Variants in SYNE1 observed in about 807,000 individuals in gnomAD.
SYNE1 encodes the protein spectrin repeat containing nuclear envelope protein 1, also known as nesprin-1.
Under a neutral mutation model 1,111.0 loss-of-function variants are expected in SYNE1, and 616 were observed. The ratio of observed to expected loss-of-function variants is 0.55; its 90% CI spans 0.52 to 0.59. The LOEUF (loss-of-function observed/expected upper bound fraction) is 0.59. Among genes scored for constraint, SYNE1 ranks in the 20% least tolerant of loss-of-function variants. The pLI, the probability that SYNE1 is intolerant of heterozygous loss-of-function variation, is 0.00. For missense variants in SYNE1, 10,006 were observed against 10,417.0 expected, an observed-to-expected ratio of 0.96 and a Z score of 1.72; for synonymous variants, 3,855 against 3,825.8, an observed-to-expected ratio of 1.01 and a Z score of -0.28.
At chr6:152,218,023 C>T (rs1434647738) in intron 121 of SYNE1, among the ~76,000 whole-genome samples, 2 of 151,964 alleles carry the variant, frequency 1.3e-5, no homozygotes, top group African/African-American at 4.8e-5. Context: ...AGTGAAACCT[C>T]GTCTCTACTA....
chr6:152,281,198 C>T (rs537357368), intron 97 of SYNE1, among the ~76,000 whole-genome samples: 5 of 152,136 alleles, frequency 3.3e-5, no homozygotes, highest in Non-Finnish European at 7.4e-5. Context: ...ATTATCTATT[C>T]TTTATACTTA....
At chr6:152,546,783 C>A (rs1249052094) in intron 3 of SYNE1, 1 of 151,972 alleles carries the variant, frequency 6.6e-6, no homozygotes, top group Non-Finnish European at 1.5e-5. Flanking sequence ...TTACTATATC[C>A]CCTAATTTGT....
At position 152,450,697 on chromosome 6, in the gene SYNE1, A is replaced by T; in HGVS notation, c.3323T>A (p.Leu1108His). 3.1e-6 allele frequency: 5 copies of T among 1,614,074 alleles called. No homozygotes were observed. Among genetic ancestry groups the T allele is most frequent in the Non-Finnish European group, 3.4e-6 (4 of 1,180,018 alleles). Residue 1108 changes from leucine to histidine, a missense_variant, in exon 27 of 146, where the codon CTC (leucine) becomes CAC (histidine). Coordinates refer to ENST00000367255, the MANE Select transcript of SYNE1 (RefSeq NM_182961.4). ...GTAGGTGCTGTCAATGGCAGCTCTG[A>T]GCTCTTTGAGAGTCACGTGACAGGT... ...PGTCHVTLKE[L>H]RAAIDSTYRK...
At chr6:152,211,451 T>C (rs369744829) in intron 124 of SYNE1, 43 bp downstream of exon 124, 44 of 1,549,320 alleles carry the variant, frequency 2.8e-5, no homozygotes, top group Non-Finnish European at 3.7e-5. Context: ...AAATGACTAA[T>C]TTACTGGAAC....
intron 63 of SYNE1, among the ~76,000 whole-genome samples, 161 bp downstream of exon 63, chr6:152,364,686 G>GGAAGGA: frequency 9.3e-6 from 1 of 108,012 alleles, no homozygotes; most frequent in South Asian, 3.5e-4. Flanking sequence ...AAGGAGGAAG[G>GGAAGGA]AGGAAGGAAG....
chr6:152,153,611 G>A (rs553837309), intron 133 of SYNE1, among the ~76,000 whole-genome samples: 59 of 152,284 alleles, frequency 3.9e-4, no homozygotes, highest in Admixed American at 3.8e-3. Context: ...CCTTTATGAA[G>A]GGAGTGTGTA....
At chr6:152,143,588 G>C (rs377415663) in intron 138 of SYNE1, 35 bp downstream of exon 138, 2 of 1,613,752 alleles carry the variant, frequency 1.2e-6, no homozygotes, top group African/African-American at 2.7e-5. Context: ...CTGTGGTTTC[G>C]CACAGGTCGG....
intron 87 of SYNE1, among the ~76,000 whole-genome samples, chr6:152,311,760 C>G (rs2095553967): frequency 6.6e-6 from 1 of 151,312 alleles, no homozygotes; most frequent in South Asian, 2.1e-4. Flanking sequence ...GGATATTATT[C>G]TTAGGCAATA....
chr6:152,380,538 A>G (rs2097391222), intron 56 of SYNE1: 1 of 176,732 alleles, frequency 5.7e-6, no homozygotes, highest in African/African-American at 2.4e-5. Context: ...TCAAAACCAC[A>G]CAGAGGAGAG....
intron 2 of SYNE1, among the ~76,000 whole-genome samples, chr6:152,632,226 A>G (rs1483759651): frequency 1.3e-5 from 2 of 152,266 alleles, no homozygotes; most frequent in Admixed American, 1.3e-4. Flanking sequence ...GGCCCCCGAT[A>G]TATATTTTTT....
At chr6:152,241,500 C>CTGTGTGTGTGTGTG (rs1231628952) in intron 107 of SYNE1, among the ~76,000 whole-genome samples, 4,673 of 74,072 alleles carry the variant, frequency 0.063, 105 homozygotes, top group East Asian at 0.19. Flanking sequence ...AATGCAAGAG[C>CTGTGTGTGTGTGTG]TGTGTGTGTG....
chr6:152,138,434 A>C (rs2747657), intron 140 of SYNE1, among the ~76,000 whole-genome samples: 140,029 of 151,540 alleles, frequency 0.92, 64,846 homozygotes, highest in East Asian at 1. Context: ...ACGCTTGAAC[A>C]CAGGAGACGG....
intron 26 of SYNE1, 58 bp downstream of exon 26, chr6:152,450,989 C>A: frequency 6.2e-7 from 1 of 1,611,972 alleles, no homozygotes; most frequent in Non-Finnish European, 8.5e-7. Context: ...TTAGTAATAT[C>A]CTTTATGGAA....
chr6:152,483,133 G>C lies in SYNE1; in HGVS notation c.1302C>G (p.Val434=). 1 of 1,614,178 alleles carries C rather than the reference G, an allele frequency of 6.2e-7. No homozygotes were observed. Among genetic ancestry groups the C allele is most frequent in the Non-Finnish European group, 8.5e-7 (1 of 1,180,032 alleles). ...ALREEITVQQ[V]HEETANTIQR... Reference sequence around the variant, plus strand: ...GTATCGTGTTTGCTGTTTCCTCGTGGACCTGTTGAACGGTTATTTCCTCTC... The same window carrying C: ...GTATCGTGTTTGCTGTTTCCTCGTGCACCTGTTGAACGGTTATTTCCTCTC... The change falls in exon 14 of 146, where the codon GTC becomes GTG. Residue 434 remains valine (V), a synonymous_variant. Transcript: ENST00000367255.
At position 152,220,948 on chromosome 6, in the gene SYNE1, G is replaced by A. The variant is rs1281843885; in HGVS notation, c.21755C>T (p.Ala7252Val). 1 of 1,614,014 alleles carries A rather than the reference G, an allele frequency of 6.2e-7. No individual in the cohort carries two copies. Among genetic ancestry groups the A allele is most frequent in the African/African-American group, 1.3e-5 (1 of 74,906 alleles). Reference sequence around the variant, plus strand: ...ATCCTCCTGCTGCTGAACTGTCGAAGCACACTGTTTGGAGTAGTCCTTGTA... The same window carrying A: ...ATCCTCCTGCTGCTGAACTGTCGAAACACACTGTTTGGAGTAGTCCTTGTA... Reference protein sequence around the residue: ...QRYKDYSKQCASTVQQQEDRT... With the variant: ...QRYKDYSKQCVSTVQQQEDRT... Residue 7252 changes from alanine to valine, a missense_variant, in exon 119 of 146, where the codon GCT becomes GTT. Physicochemically the swap from Ala to Val is moderately conservative, Grantham distance 64. Coordinates refer to ENST00000367255, the MANE Select transcript of SYNE1 (RefSeq NM_182961.4).
chr6:152,534,836 T>A (rs572658153), intron 4 of SYNE1, among the ~76,000 whole-genome samples: 1 of 152,252 alleles, frequency 6.6e-6, no homozygotes, highest in Non-Finnish European at 1.5e-5. Context: ...ATTTTATGAC[T>A]ATAAAGATGT....
intron 4 of SYNE1, among the ~76,000 whole-genome samples, chr6:152,531,817 A>G (rs1049716695): frequency 2.6e-5 from 4 of 152,222 alleles, no homozygotes; most frequent in Non-Finnish European, 5.9e-5. Flanking sequence ...ATGTTGTAGC[A>G]GGTGCCAGAA....
At position 152,379,832 on chromosome 6, in the gene SYNE1, A is replaced by T. The variant is rs541962311; in HGVS notation, c.9009+1174T>A. On this transcript the variant is annotated intron_variant, in intron 56 of 145. Coordinates refer to ENST00000367255, the MANE Select transcript of SYNE1 (RefSeq NM_182961.4). ...TTACTAATAATATCAACGTAAAAAT[A>T]ATGAACAGAATAGTAATGTAATCTA... 1.8e-4 allele frequency among the ~76,000 whole-genome samples: 27 copies of T among 152,356 alleles called. No homozygotes were observed. In the South Asian group the frequency reaches 3.5e-3, roughly 20 times the overall value.
intron 51 of SYNE1, among the ~76,000 whole-genome samples, chr6:152,393,071 C>T (rs2097671935): frequency 6.6e-6 from 1 of 152,086 alleles, no homozygotes. Context: ...AGAAAGCACC[C>T]AGAAACAAGC....
Sources: allele counts gnomAD v4.1 joint callset (sites outside exome capture counted in the v4.1 genomes callset), GRCh38; gene constraint gnomAD v4.1.1; transcripts MANE v1.5; gene names NCBI Gene and HGNC (gene_info 2026-07-23, HGNC 2026-07-21).